The following SETD7 variants were observed in gnomAD, a reference collection of about 807,000 sequenced individuals.
SETD7 encodes histone-lysine N-methyltransferase SETD7.
In SETD7, 16 loss-of-function variants were observed where a neutral mutation model predicts 41.8. The observed-to-expected ratio is 0.38, with a 90% confidence interval of 0.26 to 0.58. SETD7 has a LOEUF of 0.58. SETD7 is among the 20% of genes least tolerant of loss of function. The pLI, the probability that SETD7 is intolerant of heterozygous loss-of-function variation, is 0.64. For synonymous variants in SETD7, 163 were observed against 169.7 expected, an observed-to-expected ratio of 0.96 and a Z score of 0.31; for missense variants, 346 against 459.7, an observed-to-expected ratio of 0.75 and a Z score of 2.26.
chr4:139,514,849 G>A (rs1726981338), intron 7 of SETD7, among the ~76,000 whole-genome samples: 2 of 152,160 alleles, frequency 1.3e-5, no homozygotes, highest in African/African-American at 2.4e-5. Context: ...ACAGCTTATG[G>A]AAGTGTTTTG....
intron 2 of SETD7, 45 bp downstream of exon 2, chr4:139,546,875 A>G (rs751946230): frequency 7.4e-6 from 12 of 1,613,258 alleles, no homozygotes. Flanking sequence ...TTAACATAAA[A>G]TAATTCGGTA....
At chr4:139,514,848 G>A (rs1726981268) in intron 7 of SETD7, among the ~76,000 whole-genome samples, 1 of 152,190 alleles carries the variant, frequency 6.6e-6, no homozygotes, top group African/African-American at 2.4e-5. Flanking sequence ...AACAGCTTAT[G>A]GAAGTGTTTT....
intron 7 of SETD7, 55 bp from the exon 8 acceptor site, chr4:139,511,898 A>C: frequency 1.9e-6 from 3 of 1,563,438 alleles, no homozygotes; most frequent in Non-Finnish European, 2.6e-6. Flanking sequence ...GGTTGGAAGC[A>C]AAGGCTAGGG....
downstream of SETD7, among the ~76,000 whole-genome samples, chr4:139,501,723 C>A (rs1726581039): frequency 6.6e-6 from 1 of 152,198 alleles, no homozygotes; most frequent in Non-Finnish European, 1.5e-5. Context: ...CTAGTGATCC[C>A]CGCAAAGCCT....
intron 7 of SETD7, among the ~76,000 whole-genome samples, chr4:139,498,682 T>G (rs1726512010): frequency 6.6e-6 from 1 of 152,198 alleles, no homozygotes; most frequent in African/African-American, 2.4e-5. Flanking sequence ...TCTCCTGCCC[T>G]TCTGTCTCTG....
chr4:139,540,950 CA>C (rs1727762539), intron 2 of SETD7, among the ~76,000 whole-genome samples: 1 of 152,170 alleles, frequency 6.6e-6, no homozygotes, highest in Admixed American at 6.5e-5. Flanking sequence ...TGGAGAATGC[CA>C]TCCTTTCTCA....
chr4:139,503,865 T>C (rs1166497435), downstream of SETD7, among the ~76,000 whole-genome samples: 2 of 152,204 alleles, frequency 1.3e-5, no homozygotes, highest in Non-Finnish European at 2.9e-5. Context: ...AGTGCCCCTG[T>C]AGCCATTGCC....
chr4:139,542,871 T>C (rs1727819246), intron 2 of SETD7, among the ~76,000 whole-genome samples: 1 of 152,252 alleles, frequency 6.6e-6, no homozygotes, highest in South Asian at 2.1e-4. Flanking sequence ...ACTGATTCTA[T>C]AATTTTCTTG....
intron 2 of SETD7, 38 bp downstream of exon 2, chr4:139,546,882 G>C (rs368542725): frequency 6.2e-7 from 1 of 1,613,132 alleles, no homozygotes; most frequent in Admixed American, 1.7e-5. Flanking sequence ...AAAATAATTC[G>C]GTACCCCCAA....
rs935618284 is a variant in SETD7 at position 139,555,475 on chromosome 4, C to T, written c.40+623G>A. On this transcript the variant is annotated intron_variant, in intron 1 of 7. Transcript: ENST00000274031. The surrounding 1 kb of genome is among the most constrained non-coding windows in gnomAD (Gnocchi z 4.0). ...AGGGGAGGGCTGCCCGCCTCCCGGA[C>T]GGCGCACGTTCGAGTCCCGGGTCGG... 6.6e-6 allele frequency among the ~76,000 whole-genome samples: 1 copy of T among 152,066 alleles called. No homozygotes were observed. Among genetic ancestry groups the T allele is most frequent in the Non-Finnish European group, 1.5e-5 (1 of 68,002 alleles).
intron 1 of SETD7, among the ~76,000 whole-genome samples, chr4:139,554,684 A>C (rs1728206899): frequency 6.6e-6 from 1 of 152,232 alleles, no homozygotes. Flanking sequence ...CTTAACAAAA[A>C]CCACAGTCTT....
chr4:139,536,583 A>G (rs535576091), intron 2 of SETD7, among the ~76,000 whole-genome samples: 1 of 151,848 alleles, frequency 6.6e-6, no homozygotes. Context: ...GTGGTAGCAC[A>G]TGCTTGTAAT....
chr4:139,541,122 A>G (rs1727766670), intron 2 of SETD7, among the ~76,000 whole-genome samples: 1 of 152,194 alleles, frequency 6.6e-6, no homozygotes, highest in African/African-American at 2.4e-5. Flanking sequence ...TTGGCATGTG[A>G]AGGAGAGGCA....
chr4:139,525,491 AAGTG>A (rs1305143265), intron 4 of SETD7, among the ~76,000 whole-genome samples: 6 of 152,148 alleles, frequency 3.9e-5, no homozygotes, highest in Non-Finnish European at 8.8e-5. Flanking sequence ...TCATTATAAA[AAGTG>A]AGTTAAGCCT....
intron 7 of SETD7, among the ~76,000 whole-genome samples, chr4:139,500,793 G>A (rs1579194744): frequency 6.6e-6 from 1 of 152,166 alleles, no homozygotes; most frequent in South Asian, 2.1e-4. Flanking sequence ...ACAGGCATAA[G>A]CCACCGTGAC....
chr4:139,534,899 A>T (rs1031576804), intron 2 of SETD7, among the ~76,000 whole-genome samples: 1 of 152,252 alleles, frequency 6.6e-6, no homozygotes, highest in Non-Finnish European at 1.5e-5. Context: ...AATGAAAAGC[A>T]GATTCTAAAT....
At chr4:139,520,473 A>G in intron 5 of SETD7, 79 bp from the exon 6 acceptor site, 1 of 723,958 alleles carries the variant, frequency 1.4e-6, no homozygotes, top group Non-Finnish European at 2.2e-6. Context: ...AAATATCATT[A>G]AGGCTACTGA....
intron 2 of SETD7, among the ~76,000 whole-genome samples, chr4:139,543,394 T>A (rs1478782715): frequency 6.6e-6 from 1 of 152,338 alleles, no homozygotes; most frequent in Admixed American, 6.5e-5. Context: ...TCTTACTAAT[T>A]TTTACAGCAA....
At chr4:139,503,373 A>G (rs772417923), downstream of SETD7, among the ~76,000 whole-genome samples, 1 of 151,898 alleles carries the variant, frequency 6.6e-6, no homozygotes, top group African/African-American at 2.4e-5. Flanking sequence ...GAGAGCTCCC[A>G]TAAGTATGGT....
Sources: gnomAD v4.1 joint callset for allele counts (sites outside exome capture counted in the v4.1 genomes callset) on GRCh38, gnomAD v4.1.1 for gene constraint, Gnocchi (gnomAD v3.1) non-coding constraint, MANE v1.5 for transcripts, NCBI Gene and HGNC (gene_info 2026-07-23, HGNC 2026-07-21) for gene names.